LYRM2: variants seen among roughly 807,000 people sequenced by gnomAD.
LYRM2 encodes the protein LYR motif containing 2, also known as LYR motif-containing protein 2.
A neutral mutation model predicts 11.6 loss-of-function variants in LYRM2; 8 were observed. The observed-to-expected ratio is 0.69, with a 90% CI of 0.40 to 1.24. The LOEUF (loss-of-function observed/expected upper bound fraction) is 1.24. Ranked by LOEUF, LYRM2 falls within the 50% of genes most tolerant of loss-of-function variation. The pLI is 0.01. For synonymous variants in LYRM2, 30 were observed against 36.4 expected (o/e 0.83, Z 0.63); for missense variants, 117 against 102.9 (o/e 1.14, Z -0.59).
rs1367669988 is a variant in LYRM2, at chr6:89,635,902, C to T, written c.*1371G>A. The T allele has an allele frequency of 6.5e-6, 1 of 153,898 alleles. No individual in the cohort carries two copies. The highest frequency in any genetic ancestry group is 1.5e-5 in the Non-Finnish European group (1 of 68,318). The allele number at this position is 153,898 out of a possible 1,614,324, so 9.5% of individuals were successfully genotyped here. On this transcript the variant is annotated 3_prime_UTR_variant, in exon 3 of 3. Transcript: ENST00000523377. Reference sequence around the variant, plus strand: ...CAGAGGTTTCATCCAGAAGTCTTCCCTCTTCTTTCTGGTAAGTGCTTCAAT... The same window carrying T: ...CAGAGGTTTCATCCAGAAGTCTTCCTTCTTCTTTCTGGTAAGTGCTTCAAT...
intron 1 of LYRM2, 133 bp from the exon 2 acceptor site, chr6:89,638,015 T>C: frequency 9.9e-7 from 1 of 1,008,972 alleles, no homozygotes; most frequent in South Asian, 1.7e-5. Context: ...AAAAACTTTT[T>C]TTTTTCTTTT....
intron 1 of LYRM2, 88 bp downstream of exon 1, chr6:89,638,584 G>A: frequency 6.2e-7 from 1 of 1,604,550 alleles, no homozygotes; most frequent in Admixed American, 1.7e-5. Context: ...TCAGGACCCC[G>A]GAACCCGCCC....
Position 89,633,057 on chromosome 6 carries a change from C to T in LYRM2, c.*4216G>A, listed in dbSNP as rs1039797105. On this transcript the variant is annotated 3_prime_UTR_variant, in exon 3 of 3. Coordinates refer to ENST00000523377, the MANE Select transcript of LYRM2 (RefSeq NM_020466.5). ...GCTTTGGTGGGAGTATTTTGATTAC[C>T]TCCTACCCATCAGAAGCAGGCAGCT... 2 of 152,140 alleles carry T rather than the reference C, an allele frequency of 1.3e-5. No individual in the cohort carries two copies. Among genetic ancestry groups the T allele is most frequent in the Non-Finnish European group, 2.9e-5 (2 of 68,036 alleles). 9.4% of individuals were successfully genotyped at this position (152,140 alleles called of 1,614,324 possible). A position where few individuals can be genotyped will look rare whatever the true frequency, so the allele number is the denominator to read the frequency against.
In LYRM2 at chr6:89,637,277, G is replaced by A; in HGVS notation, c.263C>T (p.Ser88Phe). The A allele has an allele frequency of 6.8e-7, 1 of 1,470,458 alleles. No individual in the cohort carries two copies. The highest frequency in any genetic ancestry group is 9.5e-7 in the Non-Finnish European group (1 of 1,051,280). 91.1% of individuals were successfully genotyped at this position (1,470,458 alleles called of 1,614,324 possible). A position where few individuals can be genotyped will look rare whatever the true frequency, so the allele number is the denominator to read the frequency against. ...ELEKTLALAK[S>F] ...TCCTTCAGAATAATGCTATAGTTAA[G>A]ATTTTGCTAAAGCAAGTGTTTTTTC... Residue 88 changes from serine (S) to phenylalanine (F), a missense_variant, in exon 3 of 3, where the codon TCT (serine) becomes TTT (phenylalanine). Ser to Phe is a radical substitution (Grantham distance 155). Transcript: ENST00000523377.
rs572877781 is a variant in LYRM2 at position 89,634,326 on chromosome 6, C to T, written c.*2947G>A. 2.0e-5 allele frequency: 3 copies of T among 152,014 alleles called. No individual in the cohort carries two copies. Among genetic ancestry groups the T allele is most frequent in the East Asian group, 1.9e-4 (1 of 5,176 alleles). 9.4% of individuals were successfully genotyped at this position (152,014 alleles called of 1,614,324 possible). ...GGAGAAATACTCTTTCCCTTTGATA[C>T]GACTATAATATTATAAACAGCAAGG... On this transcript the variant is annotated 3_prime_UTR_variant, in exon 3 of 3. Coordinates refer to ENST00000523377, the MANE Select transcript of LYRM2 (RefSeq NM_020466.5).
Position 89,638,733 on chromosome 6 carries a change from C to T in LYRM2, c.-17G>A, listed in dbSNP as rs1808097825. 1.9e-6 allele frequency: 3 copies of T among 1,613,732 alleles called. No individual in the cohort carries two copies. In the African/African-American group the frequency reaches 4.0e-5, roughly 22 times the overall value. On this transcript the variant is annotated 5_prime_UTR_variant, in exon 1 of 3. Transcript: ENST00000523377. ...AGCAGCCATGTCCACCAGAGGTCCG[C>T]CGGAGCCTCAGCGCGCAGGAGCGGA... is the stretch of plus-strand genomic sequence containing the variant.
rs556194239 is a variant in LYRM2 at position 89,636,244 on chromosome 6, G to A, written c.*1029C>T. 6 of 152,286 alleles carry A rather than the reference G, an allele frequency of 3.9e-5. 1 individual carries two copies. The South Asian group carries it at 6.2e-4, about 16-fold the overall frequency. 9.4% of individuals were successfully genotyped at this position (152,286 alleles called of 1,614,324 possible). On this transcript the variant is annotated 3_prime_UTR_variant, in exon 3 of 3. Transcript: ENST00000523377. ...CAGCCTACACCACAAGCTAACTGTA[G>A]GATATTTTCATCACCCTGAAAAGGA...
In LYRM2 at chr6:89,632,330, T is replaced by G. The variant is rs3186412; in HGVS notation, c.*4943A>C. The stretch of plus-strand genomic sequence containing the variant: ...CAGTTTTAGGGTTTTTTCTTTTTTT[T>G]ATAGTGACAATCCATAGATATAGAC... On this transcript the variant is annotated 3_prime_UTR_variant, in exon 3 of 3. Coordinates refer to ENST00000523377, the MANE Select transcript of LYRM2 (RefSeq NM_020466.5). 0.18 allele frequency: 26,969 copies of G among 151,088 alleles called. 2,665 individuals are homozygous for G. The highest frequency in any genetic ancestry group is 0.31 in the South Asian group (1,480 of 4,738). The allele number at this position is 151,088 out of a possible 1,614,324, so 9.4% of individuals were successfully genotyped here.
Position 89,635,613 on chromosome 6 carries a change from T to C in LYRM2, c.*1660A>G, listed in dbSNP as rs564694512. The C allele has an allele frequency of 3.9e-5, 6 of 152,436 alleles. No homozygotes were observed. The highest frequency in any genetic ancestry group is 1.4e-4 in the African/African-American group (6 of 41,586). 9.4% of individuals were successfully genotyped at this position (152,436 alleles called of 1,614,324 possible). A position where few individuals can be genotyped will look rare whatever the true frequency, so the allele number is the denominator to read the frequency against. On this transcript the variant is annotated 3_prime_UTR_variant, in exon 3 of 3. Transcript: ENST00000523377. ...CTTTCAGGTGCTGGTCATTCTTAGA[T>C]TAGCTTCTTAGCTGTTCTGTTGATA...
At chr6:89,637,985 C>A (rs1808060151) in intron 1 of LYRM2, 103 bp from the exon 2 acceptor site, 13 of 1,193,466 alleles carry the variant, frequency 1.1e-5, no homozygotes, top group South Asian at 6.7e-5. Flanking sequence ...TCTCGTTGGT[C>A]AATTTTGAAA....
In LYRM2 at chr6:89,635,919, T is replaced by C. The variant is rs1398203576; in HGVS notation, c.*1354A>G. 6.5e-6 allele frequency: 1 copy of C among 155,016 alleles called. No homozygotes were observed. Among genetic ancestry groups the C allele is most frequent in the Non-Finnish European group, 1.5e-5 (1 of 68,732 alleles). The allele number at this position is 155,016 out of a possible 1,614,324, so 9.6% of individuals were successfully genotyped here. ...AGTCTTCCCTCTTCTTTCTGGTAAG[T>C]GCTTCAATGTGCTCATTAAGCTTCT... On this transcript the variant is annotated 3_prime_UTR_variant, in exon 3 of 3. Transcript: ENST00000523377.
In LYRM2 at chr6:89,632,841, GA is replaced by G. The variant is rs1453331753; in HGVS notation, c.*4431del. On this transcript the variant is annotated 3_prime_UTR_variant, in exon 3 of 3. Transcript: ENST00000523377. ...AAACAGGATATCACTAACCTCTTTA[GA>G]ATCATTCCTCAGTATACATCAATTT... 2.0e-5 allele frequency: 3 copies of G among 152,134 alleles called. No individual in the cohort carries two copies. Among genetic ancestry groups the G allele is most frequent in the African/African-American group, 7.2e-5 (3 of 41,430 alleles). The allele number at this position is 152,134 out of a possible 1,614,324, so 9.4% of individuals were successfully genotyped here.
In LYRM2 at chr6:89,637,965, C is replaced by G. The variant is rs1025374142; in HGVS notation, c.46-83G>C. 3.7e-6 allele frequency: 5 copies of G among 1,340,800 alleles called. No individual in the cohort carries two copies. In the Admixed American group the frequency reaches 8.9e-5, roughly 24 times the overall value. 83.1% of individuals were successfully genotyped at this position (1,340,800 alleles called of 1,614,324 possible). A position where few individuals can be genotyped will look rare whatever the true frequency, so the allele number is the denominator to read the frequency against. ...TCTACTTCAGCAAACCAAGCTGTAACCAGAGTACTTCTCGTTGGTCAATTT... is the reference window on the plus strand; with the variant it reads ...TCTACTTCAGCAAACCAAGCTGTAAGCAGAGTACTTCTCGTTGGTCAATTT... On this transcript the variant is annotated intron_variant, in intron 1 of 2. Coordinates refer to ENST00000523377, the MANE Select transcript of LYRM2 (RefSeq NM_020466.5).
chr6:89,637,975 T>A, intron 1 of LYRM2, 93 bp from the exon 2 acceptor site: 1 of 1,271,268 alleles, frequency 7.9e-7, no homozygotes, highest in Non-Finnish European at 1.1e-6. Flanking sequence ...CCAGAGTACT[T>A]CTCGTTGGTC....
rs1808036951 is a variant in LYRM2 at position 89,637,415 on chromosome 6, A to G, written c.187-62T>C. On this transcript the variant is annotated intron_variant, in intron 2 of 2. Coordinates refer to ENST00000523377, the MANE Select transcript of LYRM2 (RefSeq NM_020466.5). ...TGGTTAAACAAGGTATAGCTATACC[A>G]TTTTATCTGTTAAAATCAAGAACCA... 5.6e-6 allele frequency: 6 copies of G among 1,074,252 alleles called. No individual in the cohort carries two copies. In the Admixed American group the frequency reaches 1.1e-4, roughly 20 times the overall value. 66.5% of individuals were successfully genotyped at this position (1,074,252 alleles called of 1,614,324 possible).
At chr6:89,638,320 A>G (rs1808073670) in intron 1 of LYRM2, 5 of 1,193,572 alleles carry the variant, frequency 4.2e-6, no homozygotes, top group Non-Finnish European at 4.2e-6. Context: ...TTACAACGAC[A>G]GCACTTTTTC....
rs973403398 is a variant in LYRM2 at position 89,634,427 on chromosome 6, A to T, written c.*2846T>A. 6.6e-6 allele frequency: 1 copy of T among 151,420 alleles called. No individual in the cohort carries two copies. Among genetic ancestry groups the T allele is most frequent in the African/African-American group, 2.4e-5 (1 of 41,228 alleles). 9.4% of individuals were successfully genotyped at this position (151,420 alleles called of 1,614,324 possible). On this transcript the variant is annotated 3_prime_UTR_variant, in exon 3 of 3. Transcript: ENST00000523377. ...AGAATGAGGTAAGACTGTCTCTTTA[A>T]AAAAAAAAACAACTCACACCTGTAA...
chr6:89,638,146 G>C, intron 1 of LYRM2: 1 of 622,966 alleles, frequency 1.6e-6, no homozygotes, highest in Admixed American at 4.0e-5. Context: ...ACTGCACTCA[G>C]CCTGGGCGAG....
rs1808053458 is a variant in LYRM2, at chr6:89,637,760, G to A, written c.168C>T (p.Asn56=). The change falls in exon 2 of 3, where the codon AAC becomes AAT. Residue 56 remains asparagine, a synonymous_variant. Transcript: ENST00000523377. ...KDWAREEFRR[N]KSATEEDTIR... is the part of the protein sequence containing the mutation. ...TTCTCACCTCTTCGGTGGCACTTTT[G>A]TTTCTTCTGAATTCTTCTCTTGCCC... 1 of 1,613,748 alleles carries A rather than the reference G, an allele frequency of 6.2e-7. No individual in the cohort carries two copies. Among genetic ancestry groups the A allele is most frequent in the Non-Finnish European group, 8.5e-7 (1 of 1,179,836 alleles).
Sources: allele counts gnomAD v4.1 joint callset, GRCh38; gene constraint gnomAD v4.1.1; transcripts MANE v1.5; gene names NCBI Gene and HGNC (gene_info 2026-07-23, HGNC 2026-07-21).